Variants in HDAC9 observed in about 807,000 individuals in gnomAD.
The protein encoded by HDAC9 is MEF-2 interacting transcription repressor (MITR) protein.
In HDAC9, 41 loss-of-function variants were observed where a neutral mutation model predicts 139.4. The ratio of observed to expected loss-of-function variants is 0.29; its 90% confidence interval spans 0.23 to 0.38. The LOEUF is 0.38. HDAC9 is among the 10% of genes least tolerant of loss of function. The pLI, the probability that HDAC9 is intolerant of heterozygous loss-of-function variation, is 1.00. For synonymous variants in HDAC9, 517 were observed against 476.2 expected, an observed-to-expected ratio of 1.09 and a Z score of -1.12; for missense variants, 1,147 against 1,297.0, an observed-to-expected ratio of 0.88 and a Z score of 1.78.
At chr7:18,608,396 T>C (rs962144851) in intron 6 of HDAC9, among the ~76,000 whole-genome samples, 6 of 152,126 alleles carry the variant, frequency 3.9e-5, no homozygotes, top group Admixed American at 3.3e-4. Flanking sequence ...TTTATTTTGC[T>C]TTATGTGTAT....
chr7:18,487,094 T>C (rs563354909), intron 1 of HDAC9, among the ~76,000 whole-genome samples: 16 of 152,178 alleles, frequency 1.1e-4, no homozygotes, highest in Non-Finnish European at 2.4e-4. Context: ...CAGAGACTTT[T>C]ATATTGGATA....
rs911432852 is a variant in HDAC9, at chr7:18,125,237, G to A, written c.-96-36992G>A. Among the ~76,000 whole-genome samples, 4 of 152,162 alleles carry A rather than the reference G, an allele frequency of 2.6e-5. No individual in the cohort carries two copies. The East Asian group carries it at 5.8e-4, about 22-fold the overall frequency. ...ATCAATTCCTGCCACCCGGGACACT[G>A]CCTAGGACAGGCTGCAGTGCAAGTG... On this transcript the variant is annotated intron_variant, in intron 1 of 12. Transcript: ENST00000417496.
At chr7:18,651,696 T>C (rs79870104) in intron 11 of HDAC9, among the ~76,000 whole-genome samples, 3,900 of 152,256 alleles carry the variant, frequency 0.026, 170 homozygotes, top group African/African-American at 0.088. Flanking sequence ...AACTACATAA[T>C]GTAACTGTTA....
intron 2 of HDAC9, among the ~76,000 whole-genome samples, chr7:18,188,450 A>G (rs1035698889): frequency 7.9e-5 from 12 of 152,226 alleles, no homozygotes; most frequent in African/African-American, 2.7e-4. Flanking sequence ...CAAAGACTTC[A>G]TGACAAAAAC....
chr7:18,170,741 A>G (rs1006986335), intron 2 of HDAC9, among the ~76,000 whole-genome samples: 2 of 152,182 alleles, frequency 1.3e-5, no homozygotes, highest in African/African-American at 4.8e-5. Flanking sequence ...GATTTGTCAA[A>G]GATCAGATGG....
At chr7:18,970,481 T>A (rs1784176744) in intron 24 of HDAC9, among the ~76,000 whole-genome samples, 1 of 152,238 alleles carries the variant, frequency 6.6e-6, no homozygotes, top group African/African-American at 2.4e-5. Flanking sequence ...ATATAATTTT[T>A]ATTTTTATCC....
chr7:18,543,206 A>T (rs1733641241), intron 2 of HDAC9: 1 of 152,082 alleles, frequency 6.6e-6, no homozygotes, highest in African/African-American at 2.4e-5. Flanking sequence ...ACCTTAAGAG[A>T]TTCTGATACA....
intron 12 of HDAC9, among the ~76,000 whole-genome samples, chr7:18,689,508 T>C (rs1346218530): frequency 6.6e-6 from 1 of 151,998 alleles, no homozygotes; most frequent in Non-Finnish European, 1.5e-5. Context: ...GTTTTAGGAA[T>C]ATATTAAAAG....
At chr7:18,452,772 G>A (rs1041336598) in intron 1 of HDAC9, among the ~76,000 whole-genome samples, 1 of 152,158 alleles carries the variant, frequency 6.6e-6, no homozygotes, top group Non-Finnish European at 1.5e-5. Flanking sequence ...CTGCCGCCAT[G>A]TAAGATGTGC....
chr7:18,109,839 C>T (rs761324825), intron 1 of HDAC9, among the ~76,000 whole-genome samples: 11 of 152,148 alleles, frequency 7.2e-5, no homozygotes, highest in Non-Finnish European at 1.3e-4. Flanking sequence ...GCTTAAAATA[C>T]TTTTTGTGAT....
intron 22 of HDAC9, among the ~76,000 whole-genome samples, chr7:18,927,244 G>A (rs1207716172): frequency 6.6e-6 from 1 of 152,096 alleles, no homozygotes; most frequent in African/African-American, 2.4e-5. Flanking sequence ...ACATCATCAG[G>A]AATGAATCAC....
At chr7:18,490,229 TTAAAA>T (rs768735644) in intron 1 of HDAC9, among the ~76,000 whole-genome samples, 2 of 152,042 alleles carry the variant, frequency 1.3e-5, no homozygotes, top group African/African-American at 2.4e-5. Flanking sequence ...GGAGGGCTGA[TTAAAA>T]TACAGATTCC....
intron 14 of HDAC9, among the ~76,000 whole-genome samples, chr7:18,751,639 A>G (rs994161793): frequency 4.0e-5 from 6 of 151,776 alleles, no homozygotes; most frequent in Non-Finnish European, 7.4e-5. Context: ...AAATTAATTC[A>G]CTTTTAAGAT....
chr7:18,535,134 A>G (rs961838231), intron 2 of HDAC9, among the ~76,000 whole-genome samples: 1 of 152,120 alleles, frequency 6.6e-6, no homozygotes, highest in Admixed American at 6.6e-5. Context: ...ATCTTCAGCA[A>G]TTCACTGAAC....
chr7:18,089,984 T>C (rs573982541), intron 1 of HDAC9, among the ~76,000 whole-genome samples: 58 of 152,306 alleles, frequency 3.8e-4, no homozygotes, highest in Admixed American at 9.2e-4. Context: ...TCTTACTGCT[T>C]GAAGCCTTTT....
chr7:18,925,575 T>G (rs1460677890), intron 22 of HDAC9, among the ~76,000 whole-genome samples: 2 of 152,160 alleles, frequency 1.3e-5, no homozygotes, highest in Non-Finnish European at 2.9e-5. Context: ...ACATGGTGTT[T>G]TAGTTTTACC....
intron 2 of HDAC9, among the ~76,000 whole-genome samples, chr7:18,280,600 CA>C (rs1471979150): frequency 7.5e-6 from 1 of 133,176 alleles, no homozygotes; most frequent in Non-Finnish European, 1.6e-5. Context: ...AAAAAAAAAA[CA>C]AAAAACAAAA....
upstream of HDAC9, among the ~76,000 whole-genome samples, chr7:18,494,495 A>C (rs1465524393): frequency 1.3e-5 from 2 of 152,058 alleles, no homozygotes; most frequent in African/African-American, 4.8e-5. Flanking sequence ...TAGTTTAGAA[A>C]AGAGAAAAGA....
At chr7:18,905,089 C>T (rs925777627) in intron 22 of HDAC9, among the ~76,000 whole-genome samples, 2 of 151,950 alleles carry the variant, frequency 1.3e-5, no homozygotes, top group Middle Eastern at 3.4e-3. Context: ...AGCAACCTGA[C>T]CATGTTGGCC....
Sources: allele counts gnomAD v4.1 joint callset (sites outside exome capture counted in the v4.1 genomes callset), GRCh38; gene constraint gnomAD v4.1.1; transcripts MANE v1.5; gene names NCBI Gene and HGNC (gene_info 2026-07-23, HGNC 2026-07-21).